Variants in HHIPL2 observed in about 807,000 individuals in gnomAD.
The protein encoded by HHIPL2 is HHIP like 2.
Under a neutral mutation model 61.0 loss-of-function variants are expected in HHIPL2, and 61 were observed. That is an observed-to-expected ratio of 1.00 (90% CI 0.81 to 1.24). The LOEUF (loss-of-function observed/expected upper bound fraction) is 1.24. Ranked by LOEUF, HHIPL2 falls within the 50% of genes most tolerant of loss-of-function variation. The pLI, the probability that HHIPL2 is intolerant of heterozygous loss-of-function variation, is 0.00. For synonymous variants in HHIPL2, 343 were observed against 357.4 expected (o/e 0.96, Z 0.45); for missense variants, 885 against 910.2 (o/e 0.97, Z 0.36).
At position 222,523,688 on chromosome 1, in the gene HHIPL2, T is replaced by C. The variant is rs371787169; in HGVS notation, c.1812A>G (p.Ala604=). The C allele has an allele frequency of 1.6e-5, 26 of 1,613,788 alleles. No individual in the cohort carries two copies. Among genetic ancestry groups the C allele is most frequent in the Non-Finnish European group, 2.1e-5 (25 of 1,179,992 alleles). Residue 604 remains alanine, a synonymous_variant, in exon 8 of 9, where the codon GCA becomes GCG. Transcript: ENST00000343410. ...GCTTGTATTTGCACTTGCCTGGGGG[T>C]GCTCGCCTAAAAACACAAACAGAAA... ...IYKFVDPSRR[A]PPGKCKYKPV... is the part of the protein sequence containing the mutation.
intron 1 of HHIPL2, among the ~76,000 whole-genome samples, chr1:222,545,519 C>G (rs993090452): frequency 8.6e-5 from 13 of 151,988 alleles, no homozygotes; most frequent in African/African-American, 2.9e-4. Context: ...TTAAGTGTCC[C>G]CTTGCTCATT....
intron 5 of HHIPL2, among the ~76,000 whole-genome samples, chr1:222,537,274 C>G (rs553639370): frequency 1.3e-3 from 204 of 151,440 alleles, no homozygotes; most frequent in Non-Finnish European, 2.1e-3. Context: ...ATGTCCCCAG[C>G]CTGATAAAGG....
At chr1:222,538,178 T>C (rs2102617678) in intron 5 of HHIPL2, among the ~76,000 whole-genome samples, 1 of 150,648 alleles carries the variant, frequency 6.6e-6, no homozygotes, top group East Asian at 1.9e-4. Flanking sequence ...GTGGTGAGAG[T>C]GCTTATCTCT....
chr1:222,544,616 C>G (rs67953393), intron 1 of HHIPL2, among the ~76,000 whole-genome samples: 23,383 of 152,140 alleles, frequency 0.15, 2,792 homozygotes, highest in African/African-American at 0.34. Flanking sequence ...CCTGCCTCTT[C>G]GATCTCCCAA....
At chr1:222,545,678 CA>C (rs1659539103) in intron 1 of HHIPL2, among the ~76,000 whole-genome samples, 1 of 152,062 alleles carries the variant, frequency 6.6e-6, no homozygotes. Flanking sequence ...TGCTTCTACT[CA>C]ATTAGCTCAG....
At position 222,538,786 on chromosome 1, in the gene HHIPL2, A is replaced by C; in HGVS notation, c.1451-12T>G. ...TGGCAGAACATCATCTGTCCAGGAGAGAGGAAAGAGAGTGAGTGTCGTGGC... is the reference window on the plus strand; with the variant it reads ...TGGCAGAACATCATCTGTCCAGGAGCGAGGAAAGAGAGTGAGTGTCGTGGC... On this transcript the variant is annotated splice_polypyrimidine_tract_variant and intron_variant, in intron 4 of 8. Coordinates refer to ENST00000343410, the MANE Select transcript of HHIPL2 (RefSeq NM_024746.4). 1 of 1,610,296 alleles carries C rather than the reference A, an allele frequency of 6.2e-7. No homozygotes were observed. The highest frequency in any genetic ancestry group is 8.5e-7 in the Non-Finnish European group (1 of 1,178,590).
chr1:222,527,847 T>G (rs1031100679), intron 6 of HHIPL2, among the ~76,000 whole-genome samples: 44 of 152,232 alleles, frequency 2.9e-4, no homozygotes, highest in African/African-American at 1.0e-3. Context: ...ATTTTCTCTC[T>G]TGTCTGCCAC....
rs1659315233 is a variant in HHIPL2 at position 222,537,030 on chromosome 1, C to A, written c.1577+1618G>T. 4.6e-5 allele frequency among the ~76,000 whole-genome samples: 7 copies of A among 152,058 alleles called. No individual in the cohort carries two copies. In the South Asian group the frequency reaches 1.5e-3, roughly 32 times the overall value. On this transcript the variant is annotated intron_variant, in intron 5 of 8. Transcript: ENST00000343410. ...GTCCAGCTTGCATAACAGAGCAAAA[C>A]CTTGTTTCAAAAAATAAATAAATAA...
At chr1:222,541,112 T>G (rs1659423185) in intron 3 of HHIPL2, among the ~76,000 whole-genome samples, 1 of 152,158 alleles carries the variant, frequency 6.6e-6, no homozygotes, top group African/African-American at 2.4e-5. Context: ...TACCTTGCGG[T>G]GTGGTTGTGA....
intron 5 of HHIPL2, among the ~76,000 whole-genome samples, chr1:222,533,223 G>C (rs34130633): frequency 0.39 from 59,573 of 151,742 alleles, 11,939 homozygotes; most frequent in African/African-American, 0.47. Flanking sequence ...AAATTAGCTG[G>C]GCGTGGTGTT....
At chr1:222,527,546 C>A (rs1052795816) in intron 6 of HHIPL2, among the ~76,000 whole-genome samples, 4 of 152,052 alleles carry the variant, frequency 2.6e-5, no homozygotes, top group Admixed American at 6.6e-5. Context: ...TTCCTGGTGA[C>A]CCTCCCCACT....
chr1:222,539,415 A>C lies in HHIPL2; in HGVS notation c.1450+595T>G, dbSNP rs544988781. ...AGTGGTGGTGCATGCCTGTAATCCC[A>C]GCTACTCAGGGGGCTGAGACAGGAG... On this transcript the variant is annotated intron_variant, in intron 4 of 8. Transcript: ENST00000343410. Among the ~76,000 whole-genome samples, 268 of 151,820 alleles carry C rather than the reference A, an allele frequency of 1.8e-3. 2 individuals are homozygous for C. Among genetic ancestry groups the C allele is most frequent in the African/African-American group, 6.3e-3 (259 of 41,400 alleles).
At chr1:222,525,174 C>A (rs1009017231) in intron 7 of HHIPL2, 1 of 152,076 alleles carries the variant, frequency 6.6e-6, no homozygotes, top group Admixed American at 6.6e-5. Flanking sequence ...CACAGCTGCT[C>A]TTGTGAAAGT....
chr1:222,529,590 G>A (rs1323049328), intron 6 of HHIPL2, among the ~76,000 whole-genome samples: 1 of 152,090 alleles, frequency 6.6e-6, no homozygotes, highest in Admixed American at 6.5e-5. Context: ...GCATCCAACT[G>A]ATATTTTTAA....
chr1:222,541,017 C>T (rs1406865198), intron 3 of HHIPL2, among the ~76,000 whole-genome samples: 2 of 152,176 alleles, frequency 1.3e-5, no homozygotes, highest in African/African-American at 2.4e-5. Flanking sequence ...GGGCGGATAG[C>T]TTGAGGCCAT....
rs146670821 is a variant in HHIPL2 at position 222,522,697 on chromosome 1, G to T, written c.2079C>A (p.His693Gln). The change falls in exon 9 of 9, where the codon CAC becomes CAA. Residue 693 changes from histidine (H) to glutamine (Q), a missense_variant. Transcript: ENST00000343410. ...GTKKKARVGP[H>Q]VRQGKRRKSL... ...TCTTCCTCCTCTTGCCCTGGCGGACGTGGGGCCCCACTCTGGCTTTCTTCT... is the reference window on the plus strand; with the variant it reads ...TCTTCCTCCTCTTGCCCTGGCGGACTTGGGGCCCCACTCTGGCTTTCTTCT... 1 of 1,614,010 alleles carries T rather than the reference G, an allele frequency of 6.2e-7. No homozygotes were observed. The highest frequency in any genetic ancestry group is 1.7e-5 in the Admixed American group (1 of 59,998).
Position 222,538,736 on chromosome 1 carries a change from C to T in HHIPL2, c.1489G>A (p.Gly497Arg), listed in dbSNP as rs1318759219. Residue 497 changes from glycine (G) to arginine (R), a missense_variant, in exon 5 of 9, where the codon GGG becomes AGG. By Grantham distance (125) the Gly-to-Arg change is moderately radical. Coordinates refer to ENST00000343410, the MANE Select transcript of HHIPL2 (RefSeq NM_024746.4). ...ACATAACCTCCAGTGACTGACTTCC[C>T]CACTGCATGGCCATAAGCATAGATT... ...LPIYAYGHAV[G>R]KSVTGGYVYR... 2 of 1,613,902 alleles carry T rather than the reference C, an allele frequency of 1.2e-6. No individual in the cohort carries two copies. Among genetic ancestry groups the T allele is most frequent in the South Asian group, 2.2e-5 (2 of 91,066 alleles).
chr1:222,541,741 G>A (rs1659437004), intron 3 of HHIPL2, among the ~76,000 whole-genome samples: 1 of 152,096 alleles, frequency 6.6e-6, no homozygotes, highest in Non-Finnish European at 1.5e-5. Flanking sequence ...TTAGTGTGGT[G>A]AATAATGACC....
At chr1:222,537,409 G>C (rs528199763) in intron 5 of HHIPL2, among the ~76,000 whole-genome samples, 1 of 150,372 alleles carries the variant, frequency 6.7e-6, no homozygotes, top group Non-Finnish European at 1.5e-5. Flanking sequence ...TGAGATTAAC[G>C]TAGAGCAATA....
Sources: allele counts gnomAD v4.1 joint callset (sites outside exome capture counted in the v4.1 genomes callset), GRCh38; gene constraint gnomAD v4.1.1; transcripts MANE v1.5; gene names NCBI Gene and HGNC (gene_info 2026-07-23, HGNC 2026-07-21).